Variants in RNF6 observed in about 807,000 individuals in gnomAD.
The protein encoded by RNF6 is ring finger protein 6, also known as E3 ubiquitin-protein ligase RNF6.
Under a neutral mutation model 50.1 loss-of-function variants are expected in RNF6, and 21 were observed. The observed-to-expected ratio is 0.42, with a 90% CI of 0.30 to 0.60. The LOEUF is 0.60. Among genes scored for constraint, RNF6 ranks in the 20% least tolerant of loss-of-function variants. RNF6 has a pLI of 0.20. For missense variants in RNF6, 698 were observed against 838.2 expected (o/e 0.83, Z 2.07); for synonymous variants, 255 against 291.8 (o/e 0.87, Z 1.29).
At chr13:26,170,078 G>A (rs1330193199) in intron 5 of RNF6, among the ~76,000 whole-genome samples, 1 of 152,146 alleles carries the variant, frequency 6.6e-6, no homozygotes, top group Non-Finnish European at 1.5e-5. Flanking sequence ...AGGCTGGGAA[G>A]GGATTTGCCC....
At chr13:26,141,207 G>T (rs1407011665) in intron 5 of RNF6, among the ~76,000 whole-genome samples, 2 of 151,982 alleles carry the variant, frequency 1.3e-5, no homozygotes, top group African/African-American at 2.4e-5. Flanking sequence ...CAAGGCAGGT[G>T]GATCACAAGG....
chr13:26,190,739 A>G (rs890299046), intron 5 of RNF6, among the ~76,000 whole-genome samples: 5 of 152,208 alleles, frequency 3.3e-5, no homozygotes, highest in African/African-American at 1.2e-4. Flanking sequence ...TGTGGGTGCT[A>G]TTCTAGGCTC....
chr13:26,181,219 A>G (rs12431318), intron 5 of RNF6, among the ~76,000 whole-genome samples: 57,078 of 152,002 alleles, frequency 0.38, 11,833 homozygotes, highest in East Asian at 0.7. Context: ...CTTCCAGATT[A>G]GAGTCGGGGG....
At chr13:26,180,845 T>G (rs1873201300) in intron 5 of RNF6, among the ~76,000 whole-genome samples, 1 of 152,214 alleles carries the variant, frequency 6.6e-6, no homozygotes, top group Admixed American at 6.5e-5. Context: ...GTGCCAATAT[T>G]CACCAATGTG....
intron 5 of RNF6, among the ~76,000 whole-genome samples, chr13:26,174,200 A>G (rs746540108): frequency 2.0e-5 from 3 of 151,934 alleles, no homozygotes; most frequent in Admixed American, 1.3e-4. Flanking sequence ...GACTCAGGCC[A>G]CTGATTTCAT....
At chr13:26,177,928 G>A (rs560648847) in intron 5 of RNF6, among the ~76,000 whole-genome samples, 1 of 152,194 alleles carries the variant, frequency 6.6e-6, no homozygotes, top group Non-Finnish European at 1.5e-5. Flanking sequence ...GCTCATGTCT[G>A]TAATCCCAGC....
At chr13:26,151,936 C>A (rs1436321689) in intron 5 of RNF6, among the ~76,000 whole-genome samples, 1 of 152,124 alleles carries the variant, frequency 6.6e-6, no homozygotes, top group East Asian at 1.9e-4. Flanking sequence ...CTGTCTTTTC[C>A]TCACGCAAGG....
intron 5 of RNF6, among the ~76,000 whole-genome samples, chr13:26,177,427 T>C (rs1481940346): frequency 6.6e-6 from 1 of 152,204 alleles, no homozygotes; most frequent in African/African-American, 2.4e-5. Context: ...AGCATCCTCT[T>C]CCTCTGCCCT....
chr13:26,209,164 G>T (rs1869220677), downstream of RNF6, among the ~76,000 whole-genome samples: 1 of 152,154 alleles, frequency 6.6e-6, no homozygotes, highest in Admixed American at 6.5e-5. Flanking sequence ...CATTATGGTA[G>T]ACCCTGAACC....
intron 5 of RNF6, among the ~76,000 whole-genome samples, chr13:26,185,827 T>G (rs1873492262): frequency 6.6e-6 from 1 of 152,220 alleles, no homozygotes; most frequent in South Asian, 2.1e-4. Context: ...TCTCTACGCC[T>G]AACTACGAAC....
In RNF6 at chr13:26,174,794, C is replaced by T. The variant is rs554343282; in HGVS notation, n.768+40680G>A. Among the ~76,000 whole-genome samples, 52 of 152,230 alleles carry T rather than the reference C, an allele frequency of 3.4e-4. No individual in the cohort carries two copies. In the South Asian group the frequency reaches 8.5e-3, roughly 25 times the overall value. ...CCTCCCCAGCCCGCCTTGTAAAATC[C>T]TGGCAGTTGAGGGCTCCATGCTGTC... On this transcript the variant is annotated intron_variant and non_coding_transcript_variant, in intron 5 of 5. Transcript: ENST00000468480.
chr13:26,134,293 C>A (rs1870538428), intron 5 of RNF6, among the ~76,000 whole-genome samples: 1 of 152,240 alleles, frequency 6.6e-6, no homozygotes. Context: ...TCTGACACTA[C>A]CCTTATAGGG....
At chr13:26,207,590 G>C (rs1184702757) in intron 5 of RNF6, among the ~76,000 whole-genome samples, 1 of 152,190 alleles carries the variant, frequency 6.6e-6, no homozygotes, top group Non-Finnish European at 1.5e-5. Context: ...GTTCCTATTT[G>C]TTCCCTTCTT....
At chr13:26,206,658 A>G (rs1869122966) in intron 5 of RNF6, among the ~76,000 whole-genome samples, 2 of 152,212 alleles carry the variant, frequency 1.3e-5, no homozygotes, top group Admixed American at 6.5e-5. Flanking sequence ...TTGAGTTTCA[A>G]AGAAAATCTT....
rs371967394 is a variant in RNF6 at position 26,178,548 on chromosome 13, T to A, written n.768+36926A>T. 1.5e-4 allele frequency among the ~76,000 whole-genome samples: 23 copies of A among 150,452 alleles called. No individual in the cohort carries two copies. The East Asian group carries it at 3.8e-3, about 25-fold the overall frequency. ...AGGGCACCCAAAAACATTCAGACCA[T>A]TTTCTTTTCTTCCCCCTTGGCGGAC... On this transcript the variant is annotated intron_variant and non_coding_transcript_variant, in intron 5 of 5. Coordinates refer to the RNF6 transcript ENST00000468480.
At position 26,214,664 on chromosome 13, in the gene RNF6, G is replaced by C. The variant is rs376381186; in HGVS notation, c.1218C>G (p.Ile406Met). The C allele has an allele frequency of 6.2e-7, 1 of 1,614,102 alleles. No homozygotes were observed. Among genetic ancestry groups the C allele is most frequent in the African/African-American group, 1.3e-5 (1 of 74,922 alleles). The change falls in exon 5 of 5, where the codon ATC becomes ATG. Residue 406 changes from isoleucine (I) to methionine (M), a missense_variant. Physicochemically the swap from Ile to Met is conservative, Grantham distance 10. Transcript: ENST00000381588. ...TITLDLQVRR[I>M]RPGENRDRDS... ...CCCGATCTCTATTTTCTCCAGGACG[G>C]ATCCTTCTCACTTGAAGGTCCAGTG...
chr13:26,159,353 G>A (rs541726390), intron 5 of RNF6, among the ~76,000 whole-genome samples: 4 of 152,154 alleles, frequency 2.6e-5, no homozygotes, highest in African/African-American at 7.2e-5. Flanking sequence ...TGCCGGGTGC[G>A]GTGGCTCACG....
In RNF6 at chr13:26,141,110, G is replaced by A. The variant is rs192461725; in HGVS notation, n.769-8659C>T. 2.8e-3 allele frequency among the ~76,000 whole-genome samples: 431 copies of A among 151,994 alleles called. 1 individual carries two copies. The highest frequency in any genetic ancestry group is 9.8e-3 in the African/African-American group (404 of 41,418). On this transcript the variant is annotated intron_variant and non_coding_transcript_variant, in intron 5 of 5. Coordinates refer to the RNF6 transcript ENST00000468480. ...TCAAAATGCCAACATCATTTTTCAC[G>A]GAATTAGAAAAAACTATTCTAAAAT... is the stretch of plus-strand genomic sequence containing the variant.
At chr13:26,165,382 A>G (rs1872401314) in intron 5 of RNF6, among the ~76,000 whole-genome samples, 2 of 152,208 alleles carry the variant, frequency 1.3e-5, no homozygotes, top group African/African-American at 4.8e-5. Flanking sequence ...TAGGGCAGCA[A>G]GGAAGAGAAA....
Sources: gnomAD v4.1 joint callset for allele counts (sites outside exome capture counted in the v4.1 genomes callset) on GRCh38, gnomAD v4.1.1 for gene constraint, MANE v1.5 for transcripts, NCBI Gene and HGNC (gene_info 2026-07-23, HGNC 2026-07-21) for gene names.